The following PIP4K2A variants were observed in gnomAD, a reference collection of about 807,000 sequenced individuals.
PIP4K2A encodes the protein phosphatidylinositol-5-phosphate 4-kinase type 2 alpha.
A neutral mutation model predicts 42.9 loss-of-function variants in PIP4K2A; 14 were observed. The ratio of observed to expected loss-of-function variants is 0.33; its 90% CI spans 0.22 to 0.51. The LOEUF is 0.51. PIP4K2A is among the 20% of genes least tolerant of loss of function. The probability of loss-of-function intolerance (pLI) is 0.97; values close to 1 mark genes in which losing one functional copy is unlikely to be tolerated. For missense variants in PIP4K2A, 434 were observed against 519.8 expected (o/e 0.83, Z 1.61); for synonymous variants, 192 against 192.2 (o/e 1.00, Z 0.01).
At chr10:22,653,835 C>G (rs1424413197) in intron 1 of PIP4K2A, among the ~76,000 whole-genome samples, 2 of 152,116 alleles carry the variant, frequency 1.3e-5, no homozygotes, top group African/African-American at 4.8e-5. Context: ...GATTGCGCCA[C>G]TGCACTCCAG....
rs548258677 is a variant in PIP4K2A at position 22,565,073 on chromosome 10, C to T, written c.678+2778G>A. ...GACAATCAATATCTGAGTGAGTGAC[C>T]CAGTGTCTCCTGGCTCCTGTAAAAG... On this transcript the variant is annotated intron_variant, in intron 6 of 9. Coordinates refer to ENST00000376573, the MANE Select transcript of PIP4K2A (RefSeq NM_005028.5). 5.0e-5 allele frequency among the ~76,000 whole-genome samples: 7 copies of T among 141,094 alleles called. No homozygotes were observed. The South Asian group carries it at 1.1e-3, about 22-fold the overall frequency. The allele number at this position is 141,094 out of a possible 152,430, so 92.6% of individuals were successfully genotyped here. A position where few individuals can be genotyped will look rare whatever the true frequency, so the allele number is the denominator to read the frequency against.
chr10:22,557,311 A>T (rs1836578694), intron 6 of PIP4K2A, among the ~76,000 whole-genome samples: 2 of 152,226 alleles, frequency 1.3e-5, no homozygotes, highest in South Asian at 4.1e-4. Flanking sequence ...ACTGATAAAA[A>T]GGAGCTAAAA....
At chr10:22,607,764 A>G (rs1338368555) in intron 3 of PIP4K2A, 163 bp downstream of exon 3, 11 of 527,168 alleles carry the variant, frequency 2.1e-5, no homozygotes, top group Non-Finnish European at 3.4e-6. Context: ...CCCAATCAAG[A>G]GAACACTTTA....
chr10:22,635,892 G>A lies in PIP4K2A; in HGVS notation c.145-26175C>T, dbSNP rs78085904. ...ACCAAAAACAGGAAACGCAGAAAGA[G>A]AAGTCGACTTAGGGTACGTAGAAGA... is the stretch of plus-strand genomic sequence containing the variant. On this transcript the variant is annotated intron_variant, in intron 1 of 9. Transcript: ENST00000376573. Among the ~76,000 whole-genome samples, 135 of 152,318 alleles carry A rather than the reference G, an allele frequency of 8.9e-4. 1 individual carries two copies. Among genetic ancestry groups the A allele is most frequent in the African/African-American group, 3.1e-3 (128 of 41,564 alleles).
Position 22,535,556 on chromosome 10 carries a change from G to C in PIP4K2A, c.*1645C>G, listed in dbSNP as rs1835898785. On this transcript the variant is annotated 3_prime_UTR_variant, in exon 10 of 10. Coordinates refer to ENST00000376573, the MANE Select transcript of PIP4K2A (RefSeq NM_005028.5). ...GTACGGCAGGGAGATCTGTTGAGTTGCAAGTAATAATTAAAGGGTCGATTT... is the reference window on the plus strand; with the variant it reads ...GTACGGCAGGGAGATCTGTTGAGTTCCAAGTAATAATTAAAGGGTCGATTT... 1 of 152,216 alleles carries C rather than the reference G, an allele frequency of 6.6e-6. No homozygotes were observed. Among genetic ancestry groups the C allele is most frequent in the African/African-American group, 2.4e-5 (1 of 41,442 alleles). The allele number at this position is 152,216 out of a possible 1,614,324, so 9.4% of individuals were successfully genotyped here.
intron 1 of PIP4K2A, chr10:22,691,589 C>T (rs1463172740): frequency 6.6e-6 from 1 of 152,154 alleles, no homozygotes; most frequent in Non-Finnish European, 1.5e-5. Context: ...AATACTTTAA[C>T]ATTTAAAATT....
intron 4 of PIP4K2A, among the ~76,000 whole-genome samples, chr10:22,575,442 G>A (rs141801137): frequency 9.4e-4 from 143 of 152,208 alleles, no homozygotes; most frequent in African/African-American, 3.1e-3. Flanking sequence ...AAGTTGCTGT[G>A]CAGAGCCACA....
intron 6 of PIP4K2A, among the ~76,000 whole-genome samples, chr10:22,554,241 A>C (rs1836479795): frequency 6.6e-6 from 1 of 152,250 alleles, no homozygotes; most frequent in African/African-American, 2.4e-5. Flanking sequence ...AGAAATTTCA[A>C]TATATCTCTC....
At chr10:22,624,467 C>T (rs974019524) in intron 1 of PIP4K2A, among the ~76,000 whole-genome samples, 1 of 152,184 alleles carries the variant, frequency 6.6e-6, no homozygotes, top group Admixed American at 6.5e-5. Flanking sequence ...AAAGATGATT[C>T]TAACATTTCT....
intron 1 of PIP4K2A, among the ~76,000 whole-genome samples, chr10:22,655,246 C>CAGAGG (rs1255409070): frequency 6.6e-6 from 1 of 152,154 alleles, no homozygotes; most frequent in African/African-American, 2.4e-5. Context: ...ATCTCTAAGG[C>CAGAGG]AGAGGTCTGA....
At chr10:22,667,526 A>G (rs1224871392) in intron 1 of PIP4K2A, among the ~76,000 whole-genome samples, 3 of 152,228 alleles carry the variant, frequency 2.0e-5, no homozygotes, top group Admixed American at 6.5e-5. Context: ...ACTGAAGATC[A>G]CTTATAAAAT....
At chr10:22,714,002 G>C (rs1833963102) in intron 1 of PIP4K2A, 181 bp downstream of exon 1, 1 of 563,080 alleles carries the variant, frequency 1.8e-6, no homozygotes, top group Non-Finnish European at 3.1e-6. Flanking sequence ...GTGGTGCCTG[G>C]GCGGCCCAGA....
intron 6 of PIP4K2A, among the ~76,000 whole-genome samples, chr10:22,562,945 C>T (rs921915684): frequency 6.6e-5 from 10 of 152,060 alleles, no homozygotes; most frequent in Admixed American, 4.6e-4. Flanking sequence ...GGGACGTGGT[C>T]GGTGACGGTG....
chr10:22,676,671 G>C (rs989967322), intron 1 of PIP4K2A, among the ~76,000 whole-genome samples: 19 of 152,154 alleles, frequency 1.2e-4, no homozygotes, highest in African/African-American at 4.6e-4. Flanking sequence ...ATGAATCAGA[G>C]AACAAGAAGT....
chr10:22,604,971 C>G (rs1264005182), intron 3 of PIP4K2A, among the ~76,000 whole-genome samples: 1 of 152,174 alleles, frequency 6.6e-6, no homozygotes, highest in Admixed American at 6.5e-5. Context: ...ACCCTGGAGC[C>G]AGAGCTGTCA....
intron 1 of PIP4K2A, among the ~76,000 whole-genome samples, chr10:22,616,448 T>G (rs576570506): frequency 3.3e-5 from 5 of 152,144 alleles, no homozygotes; most frequent in Non-Finnish European, 7.4e-5. Context: ...TTAGTGAGAT[T>G]AGAAAAGGCC....
intron 1 of PIP4K2A, among the ~76,000 whole-genome samples, chr10:22,630,691 C>A (rs960872817): frequency 3.9e-5 from 6 of 152,278 alleles, no homozygotes; most frequent in African/African-American, 1.4e-4. Context: ...GAATGAGCCA[C>A]AAAGGGTAAC....
intron 1 of PIP4K2A, among the ~76,000 whole-genome samples, chr10:22,683,852 C>T (rs927574836): frequency 7.3e-5 from 11 of 151,558 alleles, no homozygotes; most frequent in African/African-American, 2.7e-4. Flanking sequence ...CACACACACA[C>T]ACACACACAC....
chr10:22,614,875 G>T (rs778579519), intron 1 of PIP4K2A, among the ~76,000 whole-genome samples: 8 of 152,116 alleles, frequency 5.3e-5, no homozygotes, highest in Non-Finnish European at 1.2e-4. Context: ...GCAGGTAATG[G>T]CAATGAGCTC....
Sources: allele counts gnomAD v4.1 joint callset (sites outside exome capture counted in the v4.1 genomes callset), GRCh38; gene constraint gnomAD v4.1.1; transcripts MANE v1.5; gene names NCBI Gene and HGNC (gene_info 2026-07-23, HGNC 2026-07-21).